ENOX1: variants seen among roughly 807,000 people sequenced by gnomAD.
ENOX1 encodes candidate growth-related and time keeping constitutive hydroquinone (NADH) oxidase.
In ENOX1, 42 loss-of-function variants were observed where a neutral mutation model predicts 82.5. The ratio of observed to expected loss-of-function variants is 0.51; its 90% CI spans 0.40 to 0.66. ENOX1 has a LOEUF of 0.66. Ranked by LOEUF, ENOX1 falls within the 30% of genes least tolerant of loss-of-function variation. The pLI is 0.00. For synonymous variants in ENOX1, 271 were observed against 282.2 expected (o/e 0.96, Z 0.40); for missense variants, 608 against 811.6 (o/e 0.75, Z 3.05).
chr13:43,521,664 G>A (rs565948317), intron 2 of ENOX1, among the ~76,000 whole-genome samples: 6 of 152,122 alleles, frequency 3.9e-5, no homozygotes, highest in African/African-American at 1.4e-4. Context: ...CTTGCTTGGA[G>A]TGAATGTAAA....
intron 3 of ENOX1, among the ~76,000 whole-genome samples, chr13:43,468,336 C>T (rs2057831658): frequency 6.6e-6 from 1 of 151,888 alleles, no homozygotes; most frequent in Non-Finnish European, 1.5e-5. Context: ...CGCATGCCAC[C>T]ACACCCAGCT....
chr13:43,543,544 C>T (rs1340502290), intron 2 of ENOX1, among the ~76,000 whole-genome samples: 1 of 151,144 alleles, frequency 6.6e-6, no homozygotes, highest in African/African-American at 2.4e-5. Context: ...GGTTCCCTGC[C>T]CCTGCTTCCC....
chr13:43,568,109 A>C (rs2079997368), intron 2 of ENOX1, among the ~76,000 whole-genome samples: 1 of 152,220 alleles, frequency 6.6e-6, no homozygotes, highest in Admixed American at 6.5e-5. Context: ...TTTGTGATAG[A>C]GTAATACTTT....
chr13:43,397,253 G>T (rs1170817094), intron 5 of ENOX1, among the ~76,000 whole-genome samples: 1 of 152,220 alleles, frequency 6.6e-6, no homozygotes, highest in Non-Finnish European at 1.5e-5. Flanking sequence ...CACAGCTGGG[G>T]ATGAACAAAT....
chr13:43,607,269 A>T (rs1453252876), intron 2 of ENOX1, among the ~76,000 whole-genome samples: 1 of 152,106 alleles, frequency 6.6e-6, no homozygotes, highest in Non-Finnish European at 1.5e-5. Flanking sequence ...AAAAAAAATC[A>T]CAGAGTATTG....
At chr13:43,713,591 G>T (rs1307639693) in intron 1 of ENOX1, among the ~76,000 whole-genome samples, 2 of 152,124 alleles carry the variant, frequency 1.3e-5, no homozygotes, top group Non-Finnish European at 2.9e-5. Flanking sequence ...CAATTTCAGA[G>T]TCTGTTATTG....
intron 2 of ENOX1, among the ~76,000 whole-genome samples, chr13:43,509,460 A>G (rs1445661420): frequency 5.3e-5 from 8 of 152,104 alleles, no homozygotes; most frequent in African/African-American, 1.9e-4. Context: ...TTTCTAGGAC[A>G]TAATACCTCT....
At chr13:43,539,048 C>A (rs2078595441) in intron 2 of ENOX1, among the ~76,000 whole-genome samples, 2 of 152,240 alleles carry the variant, frequency 1.3e-5, no homozygotes, top group East Asian at 1.9e-4. Context: ...GTCTTGAACT[C>A]CTGGCCTCAA....
At chr13:43,215,431 A>C (rs1247207192) in intron 16 of ENOX1, among the ~76,000 whole-genome samples, 2 of 152,220 alleles carry the variant, frequency 1.3e-5, no homozygotes, top group African/African-American at 4.8e-5. Context: ...AAAGCCTATG[A>C]GACAGATTAT....
At chr13:43,253,801 A>ATAT (rs34391342) in intron 14 of ENOX1, among the ~76,000 whole-genome samples, 1 of 151,914 alleles carries the variant, frequency 6.6e-6, no homozygotes, top group South Asian at 2.1e-4. Context: ...CACTAGGGTA[A>ATAT]TCTGCTTCTG....
At chr13:43,681,010 C>A (rs1254342900) in intron 1 of ENOX1, among the ~76,000 whole-genome samples, 2 of 152,040 alleles carry the variant, frequency 1.3e-5, no homozygotes, top group Non-Finnish European at 2.9e-5. Flanking sequence ...ACAGGAGGTG[C>A]ATTTCTGTAT....
rs1471881555 is a variant in ENOX1, at chr13:43,560,640, A to C, written c.-218-76488T>G. Reference sequence around the variant, plus strand: ...AATTAGCCCATCATCTGTCATGTGTACTGCAAATATAATTCCTAATTTTTC... The same window carrying C: ...AATTAGCCCATCATCTGTCATGTGTCCTGCAAATATAATTCCTAATTTTTC... On this transcript the variant is annotated intron_variant, in intron 2 of 16. Transcript: ENST00000690772. Among the ~76,000 whole-genome samples the C allele has an allele frequency of 2.0e-5, 3 of 152,196 alleles. No homozygotes were observed. In the East Asian group the frequency reaches 5.8e-4, roughly 29 times the overall value.
At chr13:43,403,495 G>A (rs532784875) in intron 5 of ENOX1, among the ~76,000 whole-genome samples, 1 of 152,242 alleles carries the variant, frequency 6.6e-6, no homozygotes, top group Admixed American at 6.5e-5. Flanking sequence ...CATGGGATAG[G>A]CCAAAGCAAA....
intron 9 of ENOX1, among the ~76,000 whole-genome samples, chr13:43,334,771 C>T (rs994958300): frequency 2.6e-5 from 4 of 152,272 alleles, no homozygotes; most frequent in African/African-American, 9.6e-5. Context: ...GAACCAATTT[C>T]TCTCAGTGTG....
intron 14 of ENOX1, among the ~76,000 whole-genome samples, 192 bp downstream of exon 14, chr13:43,265,206 T>C (rs2044298478): frequency 6.6e-6 from 1 of 152,210 alleles, no homozygotes; most frequent in Non-Finnish European, 1.5e-5. Flanking sequence ...ACTTCTAAAT[T>C]GACATTTGAT....
rs116596170 is a variant in ENOX1, at chr13:43,267,258, G to A, written c.1555-1804C>T. ...TGAACATCCTGTCTGATGAAACTGA[G>A]GTTTGTGAACAAGCTCCAGAGGTAG... On this transcript the variant is annotated intron_variant, in intron 13 of 16. Coordinates refer to ENST00000690772, the MANE Select transcript of ENOX1 (RefSeq NM_001347969.2). 5.5e-3 allele frequency among the ~76,000 whole-genome samples: 845 copies of A among 152,290 alleles called. 8 individuals are homozygous for A. The highest frequency in any genetic ancestry group is 0.015 in the African/African-American group (617 of 41,566).
chr13:43,637,194 C>G (rs2083446931), intron 2 of ENOX1, among the ~76,000 whole-genome samples: 1 of 152,182 alleles, frequency 6.6e-6, no homozygotes. Context: ...CAGCCCAGAG[C>G]TCCCTACTTT....
At chr13:43,351,332 T>C (rs1481537378) in intron 8 of ENOX1, among the ~76,000 whole-genome samples, 2 of 152,160 alleles carry the variant, frequency 1.3e-5, no homozygotes, top group African/African-American at 2.4e-5. Context: ...AATGAGAAAA[T>C]TAAGGGGGCA....
rs978300123 is a variant in ENOX1 at position 43,341,064 on chromosome 13, G to A, written c.1036+3474C>T. Among the ~76,000 whole-genome samples, 12 of 152,252 alleles carry A rather than the reference G, an allele frequency of 7.9e-5. No homozygotes were observed. In the East Asian group the frequency reaches 1.9e-3, roughly 25 times the overall value. ...TGTAATCCCAGCACTTTGGGAGGCC[G>A]AGGCGGGCAGATCACGAGGTCAGGA... is the stretch of plus-strand genomic sequence containing the variant. On this transcript the variant is annotated intron_variant, in intron 9 of 16. Coordinates refer to ENST00000690772, the MANE Select transcript of ENOX1 (RefSeq NM_001347969.2).
Sources: allele counts gnomAD v4.1 joint callset (sites outside exome capture counted in the v4.1 genomes callset), GRCh38; gene constraint gnomAD v4.1.1; transcripts MANE v1.5; gene names NCBI Gene and HGNC (gene_info 2026-07-23, HGNC 2026-07-21).